The following MUSK variants were observed in gnomAD, a reference collection of about 807,000 sequenced individuals.
MUSK encodes muscle associated receptor tyrosine kinase, also known as muscle, skeletal receptor tyrosine-protein kinase.
MUSK carries 55 observed loss-of-function variants against 88.7 expected under a neutral mutation model. The ratio of observed to expected loss-of-function variants is 0.62; its 90% CI spans 0.50 to 0.78. MUSK has a LOEUF of 0.78. Ranked by LOEUF, MUSK falls within the 30% of genes least tolerant of loss-of-function variation. MUSK has a pLI of 0.00. For missense variants in MUSK, 1,015 were observed against 1,074.3 expected (o/e 0.94, Z 0.77); for synonymous variants, 387 against 391.9 (o/e 0.99, Z 0.15).
intron 2 of MUSK, among the ~76,000 whole-genome samples, chr9:110,683,209 CAA>C (rs1474166827): frequency 6.6e-6 from 1 of 152,040 alleles, no homozygotes; most frequent in African/African-American, 2.4e-5. Context: ...TTAGATCCCA[CAA>C]ATAAGTGAGA....
Position 110,801,014 on chromosome 9 carries a change from T to C in MUSK, c.*26T>C. 1 of 1,490,228 alleles carries C rather than the reference T, an allele frequency of 6.7e-7. No homozygotes were observed. The highest frequency in any genetic ancestry group is 8.9e-7 in the Non-Finnish European group (1 of 1,125,010). The allele number at this position is 1,490,228 out of a possible 1,614,324, so 92.3% of individuals were successfully genotyped here. A position where few individuals can be genotyped will look rare whatever the true frequency, so the allele number is the denominator to read the frequency against. ...GGTTGAAGACGTTCAAATAAAATGC[T>C]GCAGTTTCCTCTCAGACTCTGTGAG... On this transcript the variant is annotated 3_prime_UTR_variant, in exon 15 of 15. Transcript: ENST00000374448.
intron 1 of MUSK, among the ~76,000 whole-genome samples, chr9:110,671,965 T>C (rs2075962941): frequency 6.6e-6 from 1 of 152,212 alleles, no homozygotes. Context: ...TAGATTTGAA[T>C]AACCTCCTCT....
At chr9:110,758,834 C>T (rs547899374) in intron 7 of MUSK, among the ~76,000 whole-genome samples, 15 of 152,176 alleles carry the variant, frequency 9.9e-5, no homozygotes, top group South Asian at 6.2e-4. Flanking sequence ...GAATAAATAC[C>T]GAGGAATACA....
At chr9:110,695,267 A>G (rs1298408575) in intron 3 of MUSK, 136 bp from the exon 4 acceptor site, 11 of 607,942 alleles carry the variant, frequency 1.8e-5, no homozygotes, top group Non-Finnish European at 2.9e-5. Flanking sequence ...CTGTCTTTGC[A>G]TTTGGTGAAT....
chr9:110,798,734 C>T (rs2078049720), intron 14 of MUSK, among the ~76,000 whole-genome samples: 1 of 152,010 alleles, frequency 6.6e-6, no homozygotes, highest in Admixed American at 6.6e-5. Context: ...GAAGTCCCAC[C>T]TAAGAGTTGG....
At chr9:110,786,458 A>T (rs2077868354) in intron 13 of MUSK, among the ~76,000 whole-genome samples, 1 of 152,124 alleles carries the variant, frequency 6.6e-6, no homozygotes, top group Admixed American at 6.5e-5. Flanking sequence ...TACTGCACTT[A>T]AAATAGGTAA....
intron 9 of MUSK, among the ~76,000 whole-genome samples, chr9:110,771,039 C>T (rs989751889): frequency 6.6e-6 from 1 of 151,826 alleles, no homozygotes; most frequent in Non-Finnish European, 1.5e-5. Context: ...ATACAAGAAA[C>T]TGTGCCCCTT....
At chr9:110,747,512 C>A in intron 6 of MUSK, 129 bp from the exon 7 acceptor site, 1 of 922,144 alleles carries the variant, frequency 1.1e-6, no homozygotes. Flanking sequence ...GAGGGAAAAT[C>A]TTTTGGCTAT....
intron 9 of MUSK, among the ~76,000 whole-genome samples, chr9:110,770,533 T>A (rs189943808): frequency 4.9e-4 from 72 of 147,886 alleles, no homozygotes; most frequent in Admixed American, 1.8e-3. Flanking sequence ...ACTATATAAT[T>A]ATTTTTAAAT....
At chr9:110,721,656 G>C (rs2076811905) in intron 5 of MUSK, among the ~76,000 whole-genome samples, 1 of 152,070 alleles carries the variant, frequency 6.6e-6, no homozygotes, top group African/African-American at 2.4e-5. Context: ...TTGTGAAAAT[G>C]ACCATACTGC....
chr9:110,751,764 T>G (rs763776931), intron 7 of MUSK, among the ~76,000 whole-genome samples: 9 of 151,302 alleles, frequency 5.9e-5, no homozygotes, highest in Non-Finnish European at 1.0e-4. Flanking sequence ...GAAGGCAGCA[T>G]AAGGAGAGGG....
chr9:110,736,935 C>A (rs1013800661), intron 6 of MUSK, among the ~76,000 whole-genome samples: 6 of 151,948 alleles, frequency 3.9e-5, no homozygotes, highest in African/African-American at 1.4e-4. Context: ...GTAGTTCACA[C>A]TGATAGCTCC....
rs1383492570 is a variant in MUSK at position 110,681,080 on chromosome 9, T to A, written c.80-1594T>A. Among the ~76,000 whole-genome samples, 22 of 25,988 alleles carry A rather than the reference T, an allele frequency of 8.5e-4. 3 individuals carry two copies. The highest frequency in any genetic ancestry group is 4.1e-3 in the African/African-American group (16 of 3,864). The allele number at this position is 25,988 out of a possible 152,430, so 17.0% of individuals were successfully genotyped here. ...TATTATATATATAATATTATATATA[T>A]TATATAATATATATTATATAATATA... is the stretch of plus-strand genomic sequence containing the variant. On this transcript the variant is annotated intron_variant, in intron 1 of 14. Coordinates refer to ENST00000374448, the MANE Select transcript of MUSK (RefSeq NM_005592.4).
At chr9:110,713,897 T>C (rs2076710757) in intron 5 of MUSK, among the ~76,000 whole-genome samples, 1 of 152,158 alleles carries the variant, frequency 6.6e-6, no homozygotes, top group South Asian at 2.1e-4. Flanking sequence ...AAGATTTTGA[T>C]AAACGTACCA....
intron 13 of MUSK, among the ~76,000 whole-genome samples, chr9:110,787,028 G>T (rs1378140617): frequency 6.6e-6 from 1 of 152,174 alleles, no homozygotes; most frequent in Non-Finnish European, 1.5e-5. Context: ...GTAAGCCATA[G>T]TTCCTACGTC....
At chr9:110,694,788 A>G (rs1157939543) in intron 3 of MUSK, among the ~76,000 whole-genome samples, 2 of 152,320 alleles carry the variant, frequency 1.3e-5, no homozygotes, top group African/African-American at 4.8e-5. Flanking sequence ...TAACTGGCAT[A>G]AACTATTTCT....
At chr9:110,790,851 T>C (rs1413020722) in intron 14 of MUSK, among the ~76,000 whole-genome samples, 1 of 152,206 alleles carries the variant, frequency 6.6e-6, no homozygotes, top group Non-Finnish European at 1.5e-5. Context: ...CTGGTCAGCA[T>C]GGTTGTGTAT....
intron 3 of MUSK, among the ~76,000 whole-genome samples, chr9:110,689,322 A>C (rs1406568764): frequency 8.5e-6 from 1 of 117,488 alleles, no homozygotes; most frequent in Non-Finnish European, 1.6e-5. Flanking sequence ...AATATATATT[A>C]AATATATATT....
chr9:110,758,490 T>C lies in MUSK; in HGVS notation c.914-3712T>C, dbSNP rs142123777. Reference sequence around the variant, plus strand: ...ACTGAATGGGCAAAAGCTGGAAGTATTCCCCTTGAAAACCAGAATAAGACA... The same window carrying C: ...ACTGAATGGGCAAAAGCTGGAAGTACTCCCCTTGAAAACCAGAATAAGACA... On this transcript the variant is annotated intron_variant, in intron 7 of 14. Transcript: ENST00000374448. 8.4e-3 allele frequency among the ~76,000 whole-genome samples: 1,284 copies of C among 152,270 alleles called. 3 individuals are homozygous for C. Among genetic ancestry groups the C allele is most frequent in the African/African-American group, 0.012 (494 of 41,542 alleles).
Sources: allele counts gnomAD v4.1 joint callset (sites outside exome capture counted in the v4.1 genomes callset), GRCh38; gene constraint gnomAD v4.1.1; transcripts MANE v1.5; gene names NCBI Gene and HGNC (gene_info 2026-07-23, HGNC 2026-07-21).